The following DLG2 variants were observed in gnomAD, a reference collection of about 807,000 sequenced individuals.
DLG2 encodes disks large homolog 2.
Under a neutral mutation model 132.5 loss-of-function variants are expected in DLG2, and 45 were observed. The ratio of observed to expected loss-of-function variants is 0.34; its 90% confidence interval spans 0.27 to 0.44. The LOEUF is 0.44. Among genes scored for constraint, DLG2 ranks in the 20% least tolerant of loss-of-function variants. The pLI, the probability that DLG2 is intolerant of heterozygous loss-of-function variation, is 1.00. For missense variants in DLG2, 1,045 were observed against 1,196.9 expected (o/e 0.87, Z 1.87); for synonymous variants, 424 against 419.6 (o/e 1.01, Z -0.13).
intron 6 of DLG2, among the ~76,000 whole-genome samples, chr11:84,929,479 G>T (rs2047845946): frequency 6.6e-6 from 1 of 151,910 alleles, no homozygotes. Context: ...TCCATCAATG[G>T]CATAATTAAA....
intron 6 of DLG2, among the ~76,000 whole-genome samples, chr11:84,664,815 A>G (rs922236277): frequency 6.6e-4 from 101 of 152,098 alleles, no homozygotes; most frequent in Non-Finnish European, 8.8e-5. Context: ...CTGATATCTG[A>G]TGATTGTGGT....
In DLG2 at chr11:83,851,846, G is replaced by C. The variant is rs151151978; in HGVS notation, c.1566-18076C>G. On this transcript the variant is annotated intron_variant, in intron 16 of 27. Coordinates refer to ENST00000376104, the MANE Select transcript of DLG2 (RefSeq NM_001142699.3). ...GAGGCAGAGAATTGCTTGAACCCAG[G>C]AGGCGGAGATTGCAGTCAGCCAAGA... Among the ~76,000 whole-genome samples, 1,641 of 152,040 alleles carry C rather than the reference G, an allele frequency of 0.011. 62 individuals are homozygous for C. In the East Asian group the frequency reaches 0.12, roughly 11 times the overall value.
intron 15 of DLG2, among the ~76,000 whole-genome samples, chr11:83,890,814 T>C (rs1190728090): frequency 6.6e-6 from 1 of 151,996 alleles, no homozygotes; most frequent in Admixed American, 6.6e-5. Flanking sequence ...AAATAACCAA[T>C]GGGTCGAAGG....
At chr11:83,594,963 T>C (rs1211521300) in intron 19 of DLG2, among the ~76,000 whole-genome samples, 5 of 152,242 alleles carry the variant, frequency 3.3e-5, no homozygotes, top group Non-Finnish European at 7.3e-5. Context: ...AAATTCCTAA[T>C]GGCTTTATGT....
chr11:84,053,587 T>C (rs2096443116), intron 11 of DLG2, among the ~76,000 whole-genome samples: 1 of 151,982 alleles, frequency 6.6e-6, no homozygotes, highest in Non-Finnish European at 1.5e-5. Flanking sequence ...GTAAAAAGAT[T>C]ATAAGAATTT....
chr11:85,605,555 A>G (rs962597562), intron 2 of DLG2, among the ~76,000 whole-genome samples: 2 of 152,242 alleles, frequency 1.3e-5, no homozygotes, highest in African/African-American at 4.8e-5. Context: ...CTATCTTACT[A>G]TATCCAGACA....
chr11:83,896,551 C>G (rs781196254), intron 15 of DLG2, among the ~76,000 whole-genome samples: 1 of 152,114 alleles, frequency 6.6e-6, no homozygotes, highest in Non-Finnish European at 1.5e-5. Context: ...AGCTTGACCC[C>G]GTAAACAGGC....
intron 7 of DLG2, among the ~76,000 whole-genome samples, chr11:84,373,265 C>CAAAAAAAAAAAAAAAAAAAAAAAAAAAAA (rs59038372): frequency 4.1e-5 from 4 of 98,088 alleles, no homozygotes; most frequent in Non-Finnish European, 5.4e-5. Flanking sequence ...AAAAAAAAAA[C>CAAAAAAAAAAAAAAAAAAAAAAAAAAAAA]AAAACAAAAA....
intron 3 of DLG2, among the ~76,000 whole-genome samples, chr11:85,596,553 G>T (rs191633406): frequency 9.9e-4 from 150 of 152,196 alleles, no homozygotes; most frequent in African/African-American, 3.4e-3. Flanking sequence ...TACAGCTAAT[G>T]AGAGTCGTGC....
intron 6 of DLG2, among the ~76,000 whole-genome samples, chr11:84,819,074 A>AACACACACACACACAC (rs2077383400): frequency 5.2e-5 from 1 of 19,118 alleles, no homozygotes; most frequent in African/African-American, 1.2e-4. Context: ...CTCACTCACA[A>AACACACACACACACAC]ATACACACAC....
intron 6 of DLG2, among the ~76,000 whole-genome samples, chr11:84,849,499 T>A (rs1255642862): frequency 6.6e-6 from 1 of 152,092 alleles, no homozygotes; most frequent in East Asian, 1.9e-4. Flanking sequence ...AGCCATATTA[T>A]CTCCTTTTTT....
chr11:83,779,248 G>C (rs977819648), intron 18 of DLG2, among the ~76,000 whole-genome samples: 1 of 151,970 alleles, frequency 6.6e-6, no homozygotes, highest in Admixed American at 6.6e-5. Context: ...GGGTGTGCAC[G>C]AAGAAGGTAG....
intron 19 of DLG2, among the ~76,000 whole-genome samples, chr11:83,617,291 G>A (rs1262610002): frequency 6.6e-6 from 1 of 152,160 alleles, no homozygotes; most frequent in Non-Finnish European, 1.5e-5. Flanking sequence ...CATGAATAAG[G>A]TATACCCCAC....
intron 6 of DLG2, among the ~76,000 whole-genome samples, chr11:85,052,422 A>G (rs1345797973): frequency 6.6e-6 from 1 of 152,234 alleles, no homozygotes; most frequent in Non-Finnish European, 1.5e-5. Context: ...GAATTTCAGG[A>G]GAGAATAGAG....
chr11:84,617,714 T>C (rs1188955931), intron 6 of DLG2, among the ~76,000 whole-genome samples: 1 of 152,038 alleles, frequency 6.6e-6, no homozygotes, highest in Non-Finnish European at 1.5e-5. Context: ...GCCATATAAT[T>C]CATCATTAAC....
intron 6 of DLG2, among the ~76,000 whole-genome samples, chr11:84,881,696 G>A (rs2087371941): frequency 1.3e-5 from 2 of 152,110 alleles, no homozygotes; most frequent in South Asian, 4.1e-4. Flanking sequence ...TAGGGGGATT[G>A]CATTGCCTCC....
At chr11:84,882,296 T>A (rs999480218) in intron 6 of DLG2, among the ~76,000 whole-genome samples, 4 of 151,598 alleles carry the variant, frequency 2.6e-5, no homozygotes, top group African/African-American at 9.7e-5. Context: ...GGAAAGGGTT[T>A]GTGACTTAAA....
chr11:84,357,799 C>T (rs1482502072), intron 7 of DLG2, among the ~76,000 whole-genome samples: 1 of 151,620 alleles, frequency 6.6e-6, no homozygotes, highest in Non-Finnish European at 1.5e-5. Flanking sequence ...TTTTCCAAGG[C>T]AAATAAAAAC....
chr11:83,465,001 G>A (rs1591284333), intron 26 of DLG2, among the ~76,000 whole-genome samples: 2 of 152,062 alleles, frequency 1.3e-5, no homozygotes. Context: ...TGCAATGCCC[G>A]ACATAGTATC....
Sources: gnomAD v4.1 joint callset for allele counts (sites outside exome capture counted in the v4.1 genomes callset) on GRCh38, gnomAD v4.1.1 for gene constraint, MANE v1.5 for transcripts, NCBI Gene and HGNC (gene_info 2026-07-23, HGNC 2026-07-21) for gene names.